The following BNIP2 variants were observed in gnomAD, a reference collection of about 807,000 sequenced individuals.
BNIP2 encodes BCL2 interacting protein 2.
Under a neutral mutation model 43.4 loss-of-function variants are expected in BNIP2, and 36 were observed. The observed-to-expected ratio is 0.83, with a 90% CI of 0.64 to 1.10. The LOEUF is 1.10. Ranked by LOEUF, BNIP2 falls within the 50% of genes least tolerant of loss-of-function variation. BNIP2 has a pLI of 0.00. For synonymous variants in BNIP2, 146 were observed against 121.0 expected (o/e 1.21, Z -1.35); for missense variants, 417 against 374.1 (o/e 1.11, Z -0.95).
At chr15:59,678,551 C>T in intron 4 of BNIP2, 1 of 1,078,230 alleles carries the variant, frequency 9.3e-7, no homozygotes, top group East Asian at 8.4e-5. Context: ...ACTCAATGAT[C>T]ACTTCTCATT....
intron 8 of BNIP2, 32 bp from the exon 9 acceptor site, chr15:59,669,022 T>A (rs767259589): frequency 6.5e-7 from 1 of 1,544,464 alleles, no homozygotes; most frequent in South Asian, 1.1e-5. Context: ...ATTACTTCCA[T>A]ATTTCTGACA....
chr15:59,671,745 G>A lies in BNIP2; in HGVS notation c.576-431C>T, dbSNP rs75962091. Among the ~76,000 whole-genome samples, 91 of 152,246 alleles carry A rather than the reference G, an allele frequency of 6.0e-4. 1 individual carries two copies. In the East Asian group the frequency reaches 0.017, roughly 29 times the overall value. ...TGGCTCAATTATATTGGCCTTCTAG[G>A]GGTAAATGTAATTTAGCCACATGAT... On this transcript the variant is annotated intron_variant, in intron 6 of 9. Transcript: ENST00000607373.
intron 9 of BNIP2, among the ~76,000 whole-genome samples, chr15:59,667,819 G>T (rs1892654163): frequency 6.6e-6 from 1 of 152,190 alleles, no homozygotes; most frequent in Non-Finnish European, 1.5e-5. Flanking sequence ...ACCATTTTTA[G>T]TAATTTCTCT....
intron 1 of BNIP2, among the ~76,000 whole-genome samples, chr15:59,687,675 C>G (rs186364840): frequency 6.6e-6 from 1 of 152,106 alleles, no homozygotes; most frequent in Non-Finnish European, 1.5e-5. Context: ...CGGTAACTTA[C>G]TAGATCTGGT....
At chr15:59,668,175 T>C (rs781112370) in intron 9 of BNIP2, 1 of 1,142,914 alleles carries the variant, frequency 8.7e-7, no homozygotes, top group South Asian at 1.4e-5. Flanking sequence ...AATATACATG[T>C]TATGAAAATG....
rs1253028047 is a variant in BNIP2, at chr15:59,664,032, G to C, written c.*37C>G. On this transcript the variant is annotated 3_prime_UTR_variant, in exon 10 of 10. Coordinates refer to ENST00000607373, the MANE Select transcript of BNIP2 (RefSeq NM_004330.4). ...ATGCAGAAACAGCACTGCTCCATCA[G>C]CACATTCTTCAGTCTTGTTTGGACT... The C allele has an allele frequency of 6.8e-7, 1 of 1,480,126 alleles. No homozygotes were observed. The highest frequency in any genetic ancestry group is 1.4e-5 in the African/African-American group (1 of 70,468). 91.7% of individuals were successfully genotyped at this position (1,480,126 alleles called of 1,614,324 possible).
intron 7 of BNIP2, 97 bp from the exon 8 acceptor site, chr15:59,669,459 C>G (rs565344801): frequency 1.9e-5 from 17 of 872,256 alleles, no homozygotes; most frequent in Non-Finnish European, 2.7e-5. Flanking sequence ...GTTGAAAAAT[C>G]TCACCCAAAA....
rs1483311998 is a variant in BNIP2, at chr15:59,680,321, G to A, written c.51-13C>T. The A allele has an allele frequency of 8.9e-6, 14 of 1,579,920 alleles. No homozygotes were observed. The highest frequency in any genetic ancestry group is 1.8e-5 in the Admixed American group (1 of 56,460). On this transcript the variant is annotated splice_polypyrimidine_tract_variant and intron_variant, in intron 2 of 9. Coordinates refer to ENST00000607373, the MANE Select transcript of BNIP2 (RefSeq NM_004330.4). ...TTCTGGTAAAGGTCTAGAAGACACAGGCATACTTTTTAATCCAGAAATTAA... is the reference window on the plus strand; with the variant it reads ...TTCTGGTAAAGGTCTAGAAGACACAAGCATACTTTTTAATCCAGAAATTAA...
intron 5 of BNIP2, among the ~76,000 whole-genome samples, chr15:59,674,343 T>C (rs1284787282): frequency 6.6e-6 from 1 of 152,120 alleles, no homozygotes; most frequent in Non-Finnish European, 1.5e-5. Context: ...TCACAAAATA[T>C]ATTAAGTGTG....
chr15:59,682,802 T>C (rs1893773063), intron 1 of BNIP2, among the ~76,000 whole-genome samples: 1 of 152,176 alleles, frequency 6.6e-6, no homozygotes, highest in African/African-American at 2.4e-5. Flanking sequence ...AAAATATATT[T>C]CATACTATGG....
chr15:59,682,548 C>T, intron 1 of BNIP2, 34 bp from the exon 2 acceptor site: 1 of 1,539,232 alleles, frequency 6.5e-7, no homozygotes, highest in East Asian at 2.3e-5. Context: ...ACTTAATTTC[C>T]ACTTTACTTT....
chr15:59,669,122 G>T, intron 8 of BNIP2, 132 bp from the exon 9 acceptor site: 1 of 1,038,804 alleles, frequency 9.6e-7, no homozygotes, highest in Non-Finnish European at 1.4e-6. Flanking sequence ...CTGAGGTGAT[G>T]GATGTACTAA....
rs1227882846 is a variant in BNIP2, at chr15:59,672,749, A to T, written c.473-10T>A. 1 of 1,608,700 alleles carries T rather than the reference A, an allele frequency of 6.2e-7. No individual in the cohort carries two copies. The highest frequency in any genetic ancestry group is 8.5e-7 in the Non-Finnish European group (1 of 1,175,502). ...CCATCCCCATAATATCCTAAAAAAGAAACCAAAGACAGTATCACCAGCACG... is the reference window on the plus strand; with the variant it reads ...CCATCCCCATAATATCCTAAAAAAGTAACCAAAGACAGTATCACCAGCACG... On this transcript the variant is annotated splice_polypyrimidine_tract_variant and intron_variant, in intron 5 of 9. Transcript: ENST00000607373.
intron 5 of BNIP2, among the ~76,000 whole-genome samples, chr15:59,673,714 C>T (rs929942702): frequency 1.2e-4 from 19 of 152,280 alleles, no homozygotes; most frequent in African/African-American, 4.3e-4. Context: ...TGAGCCACAT[C>T]GCCAGAGCCA....
At chr15:59,665,092 C>G (rs1338887460) in intron 9 of BNIP2, among the ~76,000 whole-genome samples, 2 of 151,694 alleles carry the variant, frequency 1.3e-5, no homozygotes, top group Non-Finnish European at 2.9e-5. Flanking sequence ...AGTGAAACCC[C>G]ATCTCTACTA....
chr15:59,684,805 C>G (rs1378800615), intron 1 of BNIP2, among the ~76,000 whole-genome samples: 1 of 152,112 alleles, frequency 6.6e-6, no homozygotes, highest in African/African-American at 2.4e-5. Context: ...TCAAATATCT[C>G]AAATACTCAG....
chr15:59,689,235 T>C lies in BNIP2; in HGVS notation c.-158A>G. 1 of 1,541,862 alleles carries C rather than the reference T, an allele frequency of 6.5e-7. No homozygotes were observed. Among genetic ancestry groups the C allele is most frequent in the Non-Finnish European group, 8.7e-7 (1 of 1,146,126 alleles). ...AAAAGCAGGGCCGAGCGGAGCCCGCTCCCCTCGGTCGGCGGTGGAGACCCC... is the reference window on the plus strand; with the variant it reads ...AAAAGCAGGGCCGAGCGGAGCCCGCCCCCCTCGGTCGGCGGTGGAGACCCC... On this transcript the variant is annotated 5_prime_UTR_variant, in exon 1 of 10. Transcript: ENST00000607373.
At chr15:59,674,926 T>C (rs189370381) in intron 5 of BNIP2, among the ~76,000 whole-genome samples, 2 of 152,302 alleles carry the variant, frequency 1.3e-5, no homozygotes, top group East Asian at 3.9e-4. Context: ...GGGTGCTGTA[T>C]AGAAGTGTGG....
intron 1 of BNIP2, 138 bp from the exon 2 acceptor site, chr15:59,682,652 AAT>A: frequency 1.2e-5 from 7 of 601,324 alleles, no homozygotes; most frequent in East Asian, 3.3e-5. Context: ...ACAGGGTTGC[AAT>A]TTTTTTTTTT....
Sources: gnomAD v4.1 joint callset for allele counts (sites outside exome capture counted in the v4.1 genomes callset) on GRCh38, gnomAD v4.1.1 for gene constraint, MANE v1.5 for transcripts, NCBI Gene and HGNC (gene_info 2026-07-23, HGNC 2026-07-21) for gene names.